CCDC6: variants seen among roughly 807,000 people sequenced by gnomAD.
The protein encoded by CCDC6 is coiled-coil domain containing 6, also known as coiled-coil domain-containing protein 6.
In CCDC6, 20 loss-of-function variants were observed where a neutral mutation model predicts 56.6. That is an observed-to-expected ratio of 0.35 (90% CI 0.25 to 0.51). The LOEUF is 0.51. Ranked by LOEUF, CCDC6 falls within the 20% of genes least tolerant of loss-of-function variation. The probability of loss-of-function intolerance (pLI) is 0.95; values close to 1 mark genes in which losing one functional copy is unlikely to be tolerated. For missense variants in CCDC6, 367 were observed against 601.1 expected, an observed-to-expected ratio of 0.61 and a Z score of 4.07; for synonymous variants, 241 against 234.4, an observed-to-expected ratio of 1.03 and a Z score of -0.26.
intron 1 of CCDC6, among the ~76,000 whole-genome samples, chr10:59,889,630 C>T (rs2071407317): frequency 6.6e-6 from 1 of 152,200 alleles, no homozygotes; most frequent in Non-Finnish European, 1.5e-5. Context: ...TACAGGTGAC[C>T]TCTGCAGGCT....
At chr10:59,861,255 G>T (rs1363492367) in intron 1 of CCDC6, among the ~76,000 whole-genome samples, 3 of 151,968 alleles carry the variant, frequency 2.0e-5, no homozygotes, top group African/African-American at 7.3e-5. Flanking sequence ...TTACTCAGCA[G>T]GCTGAGATGG....
intron 2 of CCDC6, among the ~76,000 whole-genome samples, chr10:59,842,125 C>T (rs908384108): frequency 2.0e-5 from 3 of 151,600 alleles, no homozygotes; most frequent in Non-Finnish European, 2.9e-5. Context: ...TCAATGCAAC[C>T]TCTGCCTCCT....
At chr10:59,828,427 C>G (rs148354775) in intron 3 of CCDC6, among the ~76,000 whole-genome samples, 1 of 152,094 alleles carries the variant, frequency 6.6e-6, no homozygotes, top group Non-Finnish European at 1.5e-5. Flanking sequence ...ATTTAAGATG[C>G]TAAATAAATG....
intron 7 of CCDC6, among the ~76,000 whole-genome samples, chr10:59,802,515 A>ATAGAGTAATTCTGT (rs1193461094): frequency 2.0e-5 from 3 of 152,388 alleles, no homozygotes; most frequent in Non-Finnish European, 2.9e-5. Context: ...CTAGATCAGA[A>ATAGAGTAATTCTGT]TAGAGTAATT....
intron 1 of CCDC6, among the ~76,000 whole-genome samples, chr10:59,890,702 T>C (rs570902901): frequency 6.6e-6 from 1 of 151,066 alleles, no homozygotes; most frequent in South Asian, 2.1e-4. Context: ...CAGATTTTTG[T>C]TTTTTTTCTT....
intron 2 of CCDC6, among the ~76,000 whole-genome samples, chr10:59,844,752 A>G (rs529106218): frequency 5.4e-4 from 59 of 110,176 alleles, no homozygotes; most frequent in African/African-American, 2.3e-3. Context: ...TCTCCAAAAA[A>G]AAAAAAAAAA....
At chr10:59,820,331 C>T (rs2070740140) in intron 3 of CCDC6, among the ~76,000 whole-genome samples, 1 of 152,158 alleles carries the variant, frequency 6.6e-6, no homozygotes, top group South Asian at 2.1e-4. Context: ...TTTAGTGAAC[C>T]TTTTCAATCT....
At chr10:59,847,231 T>C (rs1270448116) in intron 2 of CCDC6, among the ~76,000 whole-genome samples, 1 of 152,070 alleles carries the variant, frequency 6.6e-6, no homozygotes, top group Non-Finnish European at 1.5e-5. Flanking sequence ...TTTTTTGTAT[T>C]TTTAGTAGAG....
At chr10:59,881,772 A>T (rs2071337198) in intron 1 of CCDC6, among the ~76,000 whole-genome samples, 1 of 152,222 alleles carries the variant, frequency 6.6e-6, no homozygotes, top group African/African-American at 2.4e-5. Flanking sequence ...TGGTATTAAG[A>T]CCAAAGAAAA....
chr10:59,897,448 T>C (rs2071472129), intron 1 of CCDC6, among the ~76,000 whole-genome samples: 1 of 150,376 alleles, frequency 6.6e-6, no homozygotes, highest in Admixed American at 6.6e-5. Flanking sequence ...AGAGAAGGGG[T>C]TTCTCCATGT....
At chr10:59,817,135 G>T (rs1472998559) in intron 3 of CCDC6, among the ~76,000 whole-genome samples, 1 of 152,172 alleles carries the variant, frequency 6.6e-6, no homozygotes, top group African/African-American at 2.4e-5. Flanking sequence ...GTGATTCTCT[G>T]CATTCATCAT....
intron 1 of CCDC6, among the ~76,000 whole-genome samples, chr10:59,865,428 C>T (rs983841217): frequency 4.6e-5 from 7 of 152,170 alleles, no homozygotes; most frequent in Non-Finnish European, 2.9e-5. Context: ...CGGCAAGGTG[C>T]ATTCCCCAAG....
chr10:59,866,271 A>C (rs1405424134), intron 1 of CCDC6, among the ~76,000 whole-genome samples: 1 of 152,220 alleles, frequency 6.6e-6, no homozygotes, highest in Non-Finnish European at 1.5e-5. Context: ...CCTTGGAATG[A>C]TCTTGTCTTG....
chr10:59,900,002 C>T (rs915580162), intron 1 of CCDC6, among the ~76,000 whole-genome samples: 2 of 152,066 alleles, frequency 1.3e-5, no homozygotes, highest in Non-Finnish European at 2.9e-5. Flanking sequence ...AGACAAGGTC[C>T]CAGAGAGAGT....
At chr10:59,897,072 T>TA (rs1489326543) in intron 1 of CCDC6, among the ~76,000 whole-genome samples, 3 of 152,116 alleles carry the variant, frequency 2.0e-5, no homozygotes, top group African/African-American at 7.2e-5. Flanking sequence ...ATAAAAACAA[T>TA]AAAATCACCT....
chr10:59,861,161 G>A (rs1370999736), intron 1 of CCDC6, among the ~76,000 whole-genome samples: 1 of 151,984 alleles, frequency 6.6e-6, no homozygotes, highest in East Asian at 1.9e-4. Context: ...CCTGGGTGAT[G>A]GAGTTAGACT....
chr10:59,820,387 T>C (rs1589040202), intron 3 of CCDC6, among the ~76,000 whole-genome samples: 1 of 152,192 alleles, frequency 6.6e-6, no homozygotes, highest in Non-Finnish European at 1.5e-5. Context: ...ATCATTACTA[T>C]GGGAAAATCT....
chr10:59,867,454 AC>A (rs1236455904), intron 1 of CCDC6, among the ~76,000 whole-genome samples: 15 of 152,228 alleles, frequency 9.9e-5, no homozygotes, highest in African/African-American at 3.6e-4. Context: ...GAAGCCTGCT[AC>A]TTTGGAGGCT....
chr10:59,837,301 C>A (rs2070891064), intron 2 of CCDC6, among the ~76,000 whole-genome samples: 1 of 152,204 alleles, frequency 6.6e-6, no homozygotes, highest in Non-Finnish European at 1.5e-5. Context: ...CTGAGAGCAC[C>A]TTCCCACCCA....
Sources: gnomAD v4.1 joint callset for allele counts (sites outside exome capture counted in the v4.1 genomes callset) on GRCh38, gnomAD v4.1.1 for gene constraint, MANE v1.5 for transcripts, NCBI Gene and HGNC (gene_info 2026-07-23, HGNC 2026-07-21) for gene names.